The following CLCN1 variants were observed in gnomAD, a reference collection of about 807,000 sequenced individuals.
The protein encoded by CLCN1 is chloride voltage-gated channel 1, also known as chloride channel protein 1.
In CLCN1, 100 loss-of-function variants were observed where a neutral mutation model predicts 114.5. The observed-to-expected ratio is 0.87, with a 90% CI of 0.74 to 1.03. The LOEUF is 1.03. Ranked by LOEUF, CLCN1 falls within the 50% of genes least tolerant of loss-of-function variation. CLCN1 has a pLI of 0.00. For synonymous variants in CLCN1, 485 were observed against 487.1 expected (o/e 1.00, Z 0.06); for missense variants, 1,188 against 1,250.0 (o/e 0.95, Z 0.75).
intron 12 of CLCN1, among the ~76,000 whole-genome samples, chr7:143,334,144 C>T (rs796980863): frequency 8.6e-5 from 13 of 151,524 alleles, no homozygotes; most frequent in African/African-American, 2.9e-4. Flanking sequence ...ACCTAGGAGG[C>T]GGAGGTTGCA....
chr7:143,333,006 A>G (rs1802772087), intron 12 of CLCN1, 133 bp downstream of exon 12: 1 of 1,078,728 alleles, frequency 9.3e-7, no homozygotes, highest in Admixed American at 1.7e-5. Flanking sequence ...TCATTTGAAA[A>G]CCATAGAGTT....
In CLCN1 at chr7:143,339,153, C is replaced by T. The variant is rs1411141796; in HGVS notation, c.1402-100C>T. 3 of 858,652 alleles carry T rather than the reference C, an allele frequency of 3.5e-6. No individual in the cohort carries two copies. Among genetic ancestry groups the T allele is most frequent in the Non-Finnish European group, 6.1e-6 (3 of 492,494 alleles). The allele number at this position is 858,652 out of a possible 1,614,324, so 53.2% of individuals were successfully genotyped here. A position where few individuals can be genotyped will look rare whatever the true frequency, so the allele number is the denominator to read the frequency against. ...GTGACTTTCAGAAGGATCAGCTATCCCAGGATTTCTGCAGAAAGGAGGATA... is the reference window on the plus strand; with the variant it reads ...GTGACTTTCAGAAGGATCAGCTATCTCAGGATTTCTGCAGAAAGGAGGATA... On this transcript the variant is annotated intron_variant, in intron 12 of 22. Transcript: ENST00000343257. This position sits in a 1 kb window ranked among gnomAD's most constrained non-coding sequence, Gnocchi z 4.1.
intron 12 of CLCN1, among the ~76,000 whole-genome samples, chr7:143,335,661 GT>G (rs367713664): frequency 8.9e-5 from 12 of 135,284 alleles, no homozygotes; most frequent in Admixed American, 1.6e-4. Context: ...CAGCTGTTTT[GT>G]TTTTTTTTTT....
Position 143,339,743 on chromosome 7 carries a change from A to G in CLCN1, c.1582+122A>G. 1.4e-6 allele frequency: 1 copy of G among 731,304 alleles called. No homozygotes were observed. Among genetic ancestry groups the G allele is most frequent in the Non-Finnish European group, 2.5e-6 (1 of 405,862 alleles). The allele number at this position is 731,304 out of a possible 1,614,324, so 45.3% of individuals were successfully genotyped here. On this transcript the variant is annotated intron_variant, in intron 14 of 22. Transcript: ENST00000343257. This position sits in a 1 kb window ranked among gnomAD's most constrained non-coding sequence, Gnocchi z 4.1. ...TACGGTTTTAATTTAGTGCTACTTA[A>G]CTCAACTTTTACTCAGATAACATAC...
At chr7:143,345,896 T>A in intron 17 of CLCN1, 134 bp downstream of exon 17, 1 of 1,298,220 alleles carries the variant, frequency 7.7e-7, no homozygotes, top group Non-Finnish European at 1.1e-6. Context: ...GGGGAGAGTC[T>A]GGTAACTGAG....
At position 143,321,329 on chromosome 7, in the gene CLCN1, C is replaced by T. The variant is rs751800602; in HGVS notation, c.434-36C>T. 3.7e-6 allele frequency: 6 copies of T among 1,613,340 alleles called. No homozygotes were observed. The highest frequency in any genetic ancestry group is 5.1e-6 in the Non-Finnish European group (6 of 1,179,732). On this transcript the variant is annotated intron_variant, in intron 3 of 22. Transcript: ENST00000343257. This position sits in a 1 kb window ranked among gnomAD's most constrained non-coding sequence, Gnocchi z 4.2. ...GGTGCCGTGGACACGGCTGCTCAGC[C>T]ATGTTCTGCCTAACCCCAGGCATGT... is the stretch of plus-strand genomic sequence containing the variant.
intron 5 of CLCN1, among the ~76,000 whole-genome samples, chr7:143,322,800 C>A (rs890685512): frequency 1.3e-5 from 2 of 152,260 alleles, no homozygotes; most frequent in Non-Finnish European, 2.9e-5. Flanking sequence ...GGATTACAGG[C>A]GTGCGCCACC....
At chr7:143,333,924 T>C (rs1328140159) in intron 12 of CLCN1, among the ~76,000 whole-genome samples, 4 of 152,204 alleles carry the variant, frequency 2.6e-5, no homozygotes, top group African/African-American at 9.6e-5. Flanking sequence ...TTACAATTGC[T>C]GATTGCTGGC....
At chr7:143,320,637 T>C in intron 2 of CLCN1, 27 bp from the exon 3 acceptor site, 1 of 1,606,014 alleles carries the variant, frequency 6.2e-7, no homozygotes, top group Non-Finnish European at 8.5e-7. Context: ...TGTTTGTTTG[T>C]TTGTTTTTTC....
chr7:143,345,866 G>A (rs1022930515), intron 17 of CLCN1, 104 bp downstream of exon 17: 535 of 1,481,944 alleles, frequency 3.6e-4, no homozygotes, highest in Non-Finnish European at 4.7e-4. Flanking sequence ...TAGTTTCCCT[G>A]AAAGTAGTGG....
intron 6 of CLCN1, 61 bp downstream of exon 6, chr7:143,323,447 C>G (rs946945071): frequency 9.0e-6 from 11 of 1,219,522 alleles, no homozygotes; most frequent in African/African-American, 1.5e-5. Flanking sequence ...GGCTGTGTGT[C>G]CAGGGTGTTG....
At chr7:143,332,632 C>T in intron 11 of CLCN1, 92 bp from the exon 12 acceptor site, 2 of 1,561,226 alleles carry the variant, frequency 1.3e-6, no homozygotes, top group Non-Finnish European at 1.8e-6. Flanking sequence ...AAAAGAGACC[C>T]TTGAATAATG....
At chr7:143,320,555 C>G (rs1230686085) in intron 2 of CLCN1, 109 bp from the exon 3 acceptor site, 147 of 162,030 alleles carry the variant, frequency 9.1e-4, no homozygotes, top group Non-Finnish European at 1.4e-3. Flanking sequence ...AGCTGCTTTT[C>G]TCTCTCTCTC....
Position 143,351,804 on chromosome 7 carries a change from C to A in CLCN1, c.2806C>A (p.Pro936Thr). The change falls in exon 23 of 23, where the codon CCA becomes ACA. Residue 936 changes from proline to threonine, a missense_variant. By Grantham distance (38) the Pro-to-Thr change is conservative. Transcript: ENST00000343257. The part of the protein sequence containing the change: ...SPETPVPSPS[P>T]EPPLSLAPGK... ...AGAGACCCCTGTGCCATCTCCTTCC[C>A]CAGAGCCCCCTCTCTCCCTGGCCCC... 6.2e-7 allele frequency: 1 copy of A among 1,614,154 alleles called. No homozygotes were observed.
chr7:143,328,725 G>A (rs1161708011), intron 7 of CLCN1, among the ~76,000 whole-genome samples: 1 of 152,140 alleles, frequency 6.6e-6, no homozygotes, highest in Non-Finnish European at 1.5e-5. Context: ...GGCCCCAGAG[G>A]CAGCTGCTTA....
intron 12 of CLCN1, among the ~76,000 whole-genome samples, chr7:143,334,214 A>G (rs1194592763): frequency 2.1e-5 from 1 of 47,884 alleles, no homozygotes; most frequent in East Asian, 3.7e-4. Context: ...ACTCCTCAAG[A>G]AAAAAAAAAA....
At chr7:143,345,398 C>T (rs1803201197) in intron 16 of CLCN1, 123 bp from the exon 17 acceptor site, 1 of 1,244,846 alleles carries the variant, frequency 8.0e-7, no homozygotes, top group South Asian at 1.7e-5. Flanking sequence ...TTCCAGGAAG[C>T]TGAGAAAGAT....
intron 12 of CLCN1, among the ~76,000 whole-genome samples, chr7:143,336,781 T>C (rs1802915074): frequency 6.6e-6 from 1 of 152,182 alleles, no homozygotes; most frequent in South Asian, 2.1e-4. Flanking sequence ...GTGTCAACCT[T>C]TGTGCTATAG....
At chr7:143,323,086 C>T in intron 5 of CLCN1, among the ~76,000 whole-genome samples, 1 of 152,150 alleles carries the variant, frequency 6.6e-6, no homozygotes, top group East Asian at 1.9e-4. Context: ...AACACGTGCC[C>T]TCCCACCCTC....
Sources: allele counts gnomAD v4.1 joint callset (sites outside exome capture counted in the v4.1 genomes callset), GRCh38; gene constraint gnomAD v4.1.1; non-coding constraint Gnocchi (gnomAD v3.1); transcripts MANE v1.5; gene names NCBI Gene and HGNC (gene_info 2026-07-23, HGNC 2026-07-21).